ALG9: variants seen among roughly 807,000 people sequenced by gnomAD.
ALG9 encodes ALG9 alpha-1,2-mannosyltransferase.
Under a neutral mutation model 81.8 loss-of-function variants are expected in ALG9, and 55 were observed. The observed-to-expected ratio is 0.67, with a 90% CI of 0.54 to 0.84. The LOEUF (loss-of-function observed/expected upper bound fraction) is 0.84, where lower values mean the gene tolerates loss of function less well. Among genes scored for constraint, ALG9 ranks in the 40% least tolerant of loss-of-function variants. The pLI, the probability that ALG9 is intolerant of heterozygous loss-of-function variation, is 0.00. For missense variants in ALG9, 629 were observed against 745.0 expected, an observed-to-expected ratio of 0.84 and a Z score of 1.81; for synonymous variants, 278 against 274.3, an observed-to-expected ratio of 1.01 and a Z score of -0.13.
At chr11:111,831,077 G>A (rs782617227) in intron 13 of ALG9, among the ~76,000 whole-genome samples, 2 of 152,004 alleles carry the variant, frequency 1.3e-5, no homozygotes, top group Non-Finnish European at 2.9e-5. Context: ...GTCTCGCTCC[G>A]TCACCGAGGC....
intron 13 of ALG9, among the ~76,000 whole-genome samples, chr11:111,812,504 C>G (rs144250548): frequency 6.6e-6 from 1 of 152,058 alleles, no homozygotes; most frequent in South Asian, 2.1e-4. Context: ...GAGGTCAAGA[C>G]AGCAGTAAGC....
At chr11:111,863,688 C>A (rs1961195888) in intron 4 of ALG9, among the ~76,000 whole-genome samples, 1 of 152,136 alleles carries the variant, frequency 6.6e-6, no homozygotes, top group Non-Finnish European at 1.5e-5. Flanking sequence ...ATTACCGGGA[C>A]ACTTAAATGC....
rs868931434 is a variant in ALG9, at chr11:111,853,726, C to A, written c.712G>T (p.Ala238Ser). 28 of 1,613,752 alleles carry A rather than the reference C, an allele frequency of 1.7e-5. No individual in the cohort carries two copies. Among genetic ancestry groups the A allele is most frequent in the Non-Finnish European group, 1.9e-5 (22 of 1,179,778 alleles). ...PFSAALGLPI[A>S]FDLLVMKHRW... The stretch of plus-strand genomic sequence containing the variant: ...TGTTTCATGACCAGCAAATCAAAGG[C>A]AATGGGTAAACTATTTAACAGAGAA... Residue 238 changes from alanine (A) to serine (S), a missense_variant, in exon 7 of 15, where the codon GCC (alanine) becomes TCC (serine). Physicochemically the swap from Ala to Ser is moderately conservative, Grantham distance 99. Transcript: ENST00000616540.
chr11:111,791,553 A>C (rs913441641), intron 14 of ALG9, among the ~76,000 whole-genome samples: 2 of 151,806 alleles, frequency 1.3e-5, no homozygotes, highest in Non-Finnish European at 2.9e-5. Context: ...TAAATCCCAA[A>C]CTCTCTCATT....
chr11:111,848,646 GATT>G (rs1314796490), intron 8 of ALG9, among the ~76,000 whole-genome samples: 1 of 150,552 alleles, frequency 6.6e-6, no homozygotes, highest in Non-Finnish European at 1.5e-5. Flanking sequence ...ACATTTATAT[GATT>G]ATAACCACAA....
At position 111,801,287 on chromosome 11, in the gene ALG9, T is replaced by G. The variant is rs571092813; in HGVS notation, c.1733+8356A>C. On this transcript the variant is annotated intron_variant, in intron 14 of 14. Coordinates refer to ENST00000616540, the MANE Select transcript of ALG9 (RefSeq NM_024740.2). ...CAGGCTCTGACAGTACAGTCTACCT[T>G]AATTGGCCCAAAGTCAGCAACATCA... Among the ~76,000 whole-genome samples, 6 of 152,346 alleles carry G rather than the reference T, an allele frequency of 3.9e-5. No individual in the cohort carries two copies. The South Asian group carries it at 1.2e-3, about 32-fold the overall frequency.
chr11:111,843,360 T>C (rs1956504568), intron 9 of ALG9, among the ~76,000 whole-genome samples: 1 of 152,174 alleles, frequency 6.6e-6, no homozygotes, highest in South Asian at 2.1e-4. Flanking sequence ...AAACTAACTA[T>C]AAAAGGCTAT....
At chr11:111,821,737 G>A (rs1555103934) in intron 13 of ALG9, among the ~76,000 whole-genome samples, 16 of 151,822 alleles carry the variant, frequency 1.1e-4, no homozygotes, top group Non-Finnish European at 1.5e-5. Flanking sequence ...CCGGGTTCAC[G>A]CCATTCTCCT....
In ALG9 at chr11:111,785,564, G is replaced by A. The variant is rs1409294865; in HGVS notation, c.*833C>T. On this transcript the variant is annotated 3_prime_UTR_variant, in exon 15 of 15. Coordinates refer to ENST00000616540, the MANE Select transcript of ALG9 (RefSeq NM_024740.2). ...AGATTACATTACTTAAAAATGTGAT[G>A]TCATCCAAATGTATCAATTGATAGA... is the stretch of plus-strand genomic sequence containing the variant. 6.5e-6 allele frequency: 1 copy of A among 154,018 alleles called. No individual in the cohort carries two copies. Among genetic ancestry groups the A allele is most frequent in the Non-Finnish European group, 1.4e-5 (1 of 69,302 alleles). 9.5% of individuals were successfully genotyped at this position (154,018 alleles called of 1,614,324 possible). A position where few individuals can be genotyped will look rare whatever the true frequency, so the allele number is the denominator to read the frequency against.
At chr11:111,822,408 CAAAAAA>C (rs56367678) in intron 13 of ALG9, among the ~76,000 whole-genome samples, 1 of 66,544 alleles carries the variant, frequency 1.5e-5, no homozygotes, top group African/African-American at 6.7e-5. Context: ...AACTCAGTCT[CAAAAAA>C]AAAAAAAAAA....
downstream of ALG9, among the ~76,000 whole-genome samples, chr11:111,779,875 TTTCC>T (rs1470087653): frequency 1.3e-5 from 2 of 152,258 alleles, no homozygotes; most frequent in African/African-American, 4.8e-5. Flanking sequence ...ATTCCCAGTC[TTTCC>T]TTGTCACTAC....
At chr11:111,777,301 C>T (rs1039030195), downstream of ALG9, among the ~76,000 whole-genome samples, 2 of 152,112 alleles carry the variant, frequency 1.3e-5, no homozygotes, top group Non-Finnish European at 1.5e-5. Flanking sequence ...ATAATTTTCT[C>T]CAGGAAATTT....
At chr11:111,860,156 G>A (rs1555146648) in intron 5 of ALG9, among the ~76,000 whole-genome samples, 1 of 152,284 alleles carries the variant, frequency 6.6e-6, no homozygotes, top group Admixed American at 6.5e-5. Flanking sequence ...CAAAATAAAA[G>A]AATTACTTTC....
intron 14 of ALG9, among the ~76,000 whole-genome samples, chr11:111,793,074 C>T (rs150736132): frequency 1.2e-3 from 178 of 152,298 alleles, no homozygotes; most frequent in Middle Eastern, 3.4e-3. Context: ...GCCTTGACCT[C>T]AAGGGTTCAA....
chr11:111,821,731 G>T (rs968995150), intron 13 of ALG9, among the ~76,000 whole-genome samples: 2 of 151,990 alleles, frequency 1.3e-5, no homozygotes, highest in African/African-American at 4.8e-5. Flanking sequence ...CACCTCCCGG[G>T]TTCACGCCAT....
intron 13 of ALG9, among the ~76,000 whole-genome samples, chr11:111,823,087 A>T (rs1264415312): frequency 6.6e-6 from 1 of 152,212 alleles, no homozygotes; most frequent in East Asian, 1.9e-4. Flanking sequence ...CTTTTTATTT[A>T]AATCTAGCTA....
At chr11:111,844,978 C>T (rs957044889) in intron 8 of ALG9, among the ~76,000 whole-genome samples, 6 of 152,180 alleles carry the variant, frequency 3.9e-5, no homozygotes, top group Non-Finnish European at 7.3e-5. Flanking sequence ...CTATACTGAC[C>T]ACTATATCTA....
At chr11:111,822,930 G>A (rs608091) in intron 13 of ALG9, among the ~76,000 whole-genome samples, 108,394 of 151,870 alleles carry the variant, frequency 0.71, 39,464 homozygotes, top group African/African-American at 0.86. Flanking sequence ...AGGCTGAGGC[G>A]GGAGAATCGC....
the ALG9 span, among the ~76,000 whole-genome samples, chr11:111,773,579 C>T: frequency 6.6e-6 from 1 of 151,872 alleles, no homozygotes; most frequent in African/African-American, 2.4e-5. Flanking sequence ...GGCACAGTGA[C>T]CTTTCTCAAA....
Sources: allele counts gnomAD v4.1 joint callset (sites outside exome capture counted in the v4.1 genomes callset), GRCh38; gene constraint gnomAD v4.1.1; transcripts MANE v1.5; gene names NCBI Gene and HGNC (gene_info 2026-07-23, HGNC 2026-07-21).